Variants in SLC35D2 observed in about 807,000 individuals in gnomAD.
SLC35D2 encodes nucleotide sugar transporter SLC35D2.
In SLC35D2, 43 loss-of-function variants were observed where a neutral mutation model predicts 41.8. The ratio of observed to expected loss-of-function variants is 1.03; its 90% CI spans 0.81 to 1.33. The LOEUF is 1.33. Among genes scored for constraint, SLC35D2 ranks in the 40% most tolerant of loss-of-function variants. SLC35D2 has a pLI of 0.00. For synonymous variants in SLC35D2, 150 were observed against 163.9 expected (o/e 0.92, Z 0.65); for missense variants, 380 against 408.4 (o/e 0.93, Z 0.60).
intron 8 of SLC35D2, among the ~76,000 whole-genome samples, chr9:96,337,981 CA>C (rs67714645): frequency 0.085 from 2,879 of 33,810 alleles, 33 homozygotes; most frequent in Non-Finnish European, 0.1. Flanking sequence ...AACTCCACCT[CA>C]AAAAAAAAAA....
chr9:96,330,536 A>G (rs1205545322), intron 9 of SLC35D2, among the ~76,000 whole-genome samples: 1 of 152,242 alleles, frequency 6.6e-6, no homozygotes, highest in Admixed American at 6.5e-5. Context: ...TGTATCCTGC[A>G]TACAACAGAA....
In SLC35D2 at chr9:96,322,194, T is replaced by C; in HGVS notation, c.832-114A>G. On this transcript the variant is annotated intron_variant, in intron 10 of 11. Coordinates refer to ENST00000253270, the MANE Select transcript of SLC35D2 (RefSeq NM_007001.3). ...GTTACTTTGCATAGAGACTTGTACA[T>C]AGGGATATTCACAGGTGGTTGAACA... 1.0e-5 allele frequency: 7 copies of C among 670,794 alleles called. No homozygotes were observed. The South Asian group carries it at 1.2e-4, about 11-fold the overall frequency. 41.6% of individuals were successfully genotyped at this position (670,794 alleles called of 1,614,324 possible).
intron 9 of SLC35D2, among the ~76,000 whole-genome samples, chr9:96,324,980 A>C (rs1828454678): frequency 6.6e-6 from 1 of 152,192 alleles, no homozygotes; most frequent in South Asian, 2.1e-4. Flanking sequence ...CTGTAGCCAG[A>C]GCAGAGGACC....
intron 1 of SLC35D2, among the ~76,000 whole-genome samples, chr9:96,374,888 T>C (rs548824501): frequency 6.6e-6 from 1 of 152,064 alleles, no homozygotes; most frequent in African/African-American, 2.4e-5. Context: ...TCTCCACCTA[T>C]TTATCTATAT....
rs751650682 is a variant in SLC35D2 at position 96,345,370 on chromosome 9, T to C, written c.520A>G (p.Ile174Val). The C allele has an allele frequency of 2.7e-5, 44 of 1,608,268 alleles. No homozygotes were observed. Among genetic ancestry groups the C allele is most frequent in the South Asian group, 1.1e-4 (10 of 90,542 alleles). ...SDLAFNLEGY[I>V]FVFLNDIFTA... is the part of the protein sequence containing the mutation. ...AAGATATCATTCAGGAATACAAAAATATAGCCTTCTAAGTTAAAAGCAAGG... is the reference window on the plus strand; with the variant it reads ...AAGATATCATTCAGGAATACAAAAACATAGCCTTCTAAGTTAAAAGCAAGG... The change falls in exon 7 of 12, where the codon ATT (isoleucine) becomes GTT (valine). Residue 174 changes from isoleucine to valine, a missense_variant. Transcript: ENST00000253270.
intron 2 of SLC35D2, among the ~76,000 whole-genome samples, chr9:96,366,134 C>T (rs1039954404): frequency 2.0e-5 from 3 of 151,890 alleles, no homozygotes; most frequent in Non-Finnish European, 4.4e-5. Context: ...GAAACCCTAT[C>T]TCTACAAAAA....
rs145290742 is a variant in SLC35D2, at chr9:96,324,116, G to A, written c.806C>T (p.Thr269Met). ...VLCSYYNSAL[T>M]TAVVGAIKNV... ...CTTGATGGCTCCAACCACTGCTGTC[G>A]TCAGGGCTGAATTGTAATAGCTGCA... Residue 269 changes from threonine (T) to methionine (M), a missense_variant, in exon 10 of 12, where the codon ACG becomes ATG. Physicochemically the swap from Thr to Met is moderately conservative, Grantham distance 81 (BLOSUM62 -1). Transcript: ENST00000253270. The A allele has an allele frequency of 4.8e-4, 770 of 1,613,834 alleles. 1 individual carries two copies. Among genetic ancestry groups the A allele is most frequent in the African/African-American group, 7.5e-4 (56 of 74,994 alleles).
intron 6 of SLC35D2, 146 bp downstream of exon 6, chr9:96,350,957 T>C (rs1284510554): frequency 6.6e-6 from 4 of 610,518 alleles, no homozygotes; most frequent in East Asian, 2.7e-5. Context: ...TAGGAACACA[T>C]GGGGATTCCA....
At chr9:96,378,922 C>T (rs566156395) in intron 1 of SLC35D2, among the ~76,000 whole-genome samples, 6 of 151,500 alleles carry the variant, frequency 4.0e-5, no homozygotes, top group African/African-American at 9.7e-5. Context: ...GAACAAGACC[C>T]AGTCTCAAAA....
intron 1 of SLC35D2, among the ~76,000 whole-genome samples, chr9:96,377,767 T>C (rs75068295): frequency 3.9e-4 from 60 of 152,264 alleles, no homozygotes; most frequent in African/African-American, 1.4e-3. Flanking sequence ...AAGGGTGACC[T>C]GAGCTAGGTG....
At chr9:96,336,649 G>A in intron 9 of SLC35D2, 68 bp downstream of exon 9, 1 of 894,406 alleles carries the variant, frequency 1.1e-6, no homozygotes, top group Non-Finnish European at 1.8e-6. Flanking sequence ...TAGACAGAAG[G>A]CATATCTTGA....
At chr9:96,343,281 A>G (rs926690690) in intron 8 of SLC35D2, among the ~76,000 whole-genome samples, 2 of 152,358 alleles carry the variant, frequency 1.3e-5, no homozygotes, top group African/African-American at 4.8e-5. Flanking sequence ...CCAGCAGCAG[A>G]TACGGTTTCA....
chr9:96,362,817 C>G (rs1830327261), intron 3 of SLC35D2, among the ~76,000 whole-genome samples: 3 of 151,368 alleles, frequency 2.0e-5, no homozygotes, highest in Non-Finnish European at 4.4e-5. Context: ...AGGTTGACAG[C>G]TTTCATATAC....
chr9:96,370,665 A>G lies in SLC35D2; in HGVS notation c.159-2360T>C, dbSNP rs59733250. 2.6e-3 allele frequency among the ~76,000 whole-genome samples: 395 copies of G among 151,588 alleles called. 1 individual carries two copies. The highest frequency in any genetic ancestry group is 9.0e-3 in the African/African-American group (372 of 41,290). On this transcript the variant is annotated intron_variant, in intron 1 of 11. Transcript: ENST00000253270. ...GAGCAAGACTCTGTCTCCAAAAAAT[A>G]AAAAAAAATAAATTTTAAAAAATAG...
intron 4 of SLC35D2, among the ~76,000 whole-genome samples, chr9:96,354,117 C>A (rs1013653148): frequency 2.0e-5 from 3 of 152,152 alleles, no homozygotes; most frequent in Admixed American, 1.3e-4. Context: ...CAATTGCATT[C>A]GAAAAGTATT....
chr9:96,341,556 G>A (rs1208100786), intron 8 of SLC35D2, among the ~76,000 whole-genome samples: 2 of 152,130 alleles, frequency 1.3e-5, no homozygotes, highest in African/African-American at 4.8e-5. Flanking sequence ...CTTCTGCTGT[G>A]GAAATGCAGT....
At chr9:96,365,882 G>T (rs10116791) in intron 2 of SLC35D2, among the ~76,000 whole-genome samples, 2 of 152,020 alleles carry the variant, frequency 1.3e-5, no homozygotes, top group African/African-American at 4.8e-5. Flanking sequence ...CCTTCAACAC[G>T]ATTATAATCC....
chr9:96,331,230 G>C (rs1349389292), intron 9 of SLC35D2, among the ~76,000 whole-genome samples: 1 of 152,148 alleles, frequency 6.6e-6, no homozygotes, highest in Non-Finnish European at 1.5e-5. Flanking sequence ...TCTTAAACAG[G>C]TATGGACAAA....
At chr9:96,362,467 A>G (rs990709379) in intron 3 of SLC35D2, among the ~76,000 whole-genome samples, 11 of 152,224 alleles carry the variant, frequency 7.2e-5, no homozygotes, top group African/African-American at 2.2e-4. Context: ...ACATTGCACA[A>G]TTGCACTCCA....
Sources: allele counts gnomAD v4.1 joint callset (sites outside exome capture counted in the v4.1 genomes callset), GRCh38; gene constraint gnomAD v4.1.1; transcripts MANE v1.5; gene names NCBI Gene and HGNC (gene_info 2026-07-23, HGNC 2026-07-21).